Variants in PTPA observed in about 807,000 individuals in gnomAD.
PTPA encodes the protein serine/threonine-protein phosphatase 2A activator.
A neutral mutation model predicts 43.6 loss-of-function variants in PTPA; 13 were observed. The ratio of observed to expected loss-of-function variants is 0.30; its 90% confidence interval spans 0.19 to 0.47. The LOEUF (loss-of-function observed/expected upper bound fraction) is 0.47, where lower values mean the gene tolerates loss of function less well. Among genes scored for constraint, PTPA ranks in the 20% least tolerant of loss-of-function variants. The probability of loss-of-function intolerance (pLI) is 0.99; values close to 1 mark genes in which losing one functional copy is unlikely to be tolerated. For synonymous variants in PTPA, 172 were observed against 158.2 expected (o/e 1.09, Z -0.66); for missense variants, 329 against 411.9 (o/e 0.80, Z 1.74).
At chr9:129,127,886 AAATT>A (rs1320593743) in intron 3 of PTPA, 1 of 977,546 alleles carries the variant, frequency 1.0e-6, no homozygotes, top group African/African-American at 1.7e-5. Flanking sequence ...GTGAGGAATT[AAATT>A]AATTATAATG....
intron 5 of PTPA, among the ~76,000 whole-genome samples, chr9:129,133,474 C>T (rs1273304110): frequency 6.6e-6 from 1 of 152,220 alleles, no homozygotes; most frequent in East Asian, 1.9e-4. Flanking sequence ...CTTCCAGGCC[C>T]TGGAGGGGTC....
intron 5 of PTPA, among the ~76,000 whole-genome samples, chr9:129,131,960 T>G (rs145734046): frequency 1.3e-5 from 2 of 152,296 alleles, no homozygotes; most frequent in Non-Finnish European, 2.9e-5. Flanking sequence ...AATTATTAAT[T>G]GAGCACTTAC....
At chr9:129,130,613 G>A (rs1420597134) in intron 4 of PTPA, among the ~76,000 whole-genome samples, 6 of 152,004 alleles carry the variant, frequency 3.9e-5, no homozygotes, top group African/African-American at 1.5e-4. Context: ...GGCTGATCTC[G>A]AAATCCTGGC....
chr9:129,134,324 T>G (rs10988219), intron 5 of PTPA, among the ~76,000 whole-genome samples: 48,762 of 95,568 alleles, frequency 0.51, 12,893 homozygotes, highest in Non-Finnish European at 0.62. Context: ...TTTTTTTTTT[T>G]GAGACAGTCT....
rs1195677950 is a variant in PTPA at position 129,147,742 on chromosome 9, C to G, written c.*278C>G. On this transcript the variant is annotated 3_prime_UTR_variant, in exon 10 of 10. Coordinates refer to ENST00000393370, the MANE Select transcript of PTPA (RefSeq NM_178000.3). Reference sequence around the variant, plus strand: ...GGGCCTGGTCACTCGGCCACTCTCTCCTGTTTCTGGCCTCTTCTCCCTTCA... The same window carrying G: ...GGGCCTGGTCACTCGGCCACTCTCTGCTGTTTCTGGCCTCTTCTCCCTTCA... 6.8e-6 allele frequency: 3 copies of G among 443,504 alleles called. No homozygotes were observed. Among genetic ancestry groups the G allele is most frequent in the Non-Finnish European group, 1.3e-5 (3 of 239,448 alleles). The allele number at this position is 443,504 out of a possible 1,614,324, so 27.5% of individuals were successfully genotyped here. A position where few individuals can be genotyped will look rare whatever the true frequency, so the allele number is the denominator to read the frequency against.
chr9:129,147,610 A>AG lies in PTPA; in HGVS notation c.*151dup. 1.2e-6 allele frequency: 1 copy of AG among 863,390 alleles called. No homozygotes were observed. The highest frequency in any genetic ancestry group is 1.8e-6 in the Non-Finnish European group (1 of 560,476). The allele number at this position is 863,390 out of a possible 1,614,324, so 53.5% of individuals were successfully genotyped here. A position where few individuals can be genotyped will look rare whatever the true frequency, so the allele number is the denominator to read the frequency against. On this transcript the variant is annotated 3_prime_UTR_variant, in exon 10 of 10. Coordinates refer to ENST00000393370, the MANE Select transcript of PTPA (RefSeq NM_178000.3). ...GGGGTGGGGTGGCGAGATGGGCTTG[A>AG]GGGGGCTCAGAGCATAAGGCTTCAG...
chr9:129,119,316 A>G (rs1849096399), intron 1 of PTPA, among the ~76,000 whole-genome samples: 1 of 123,810 alleles, frequency 8.1e-6, no homozygotes, highest in African/African-American at 2.6e-5. Flanking sequence ...TAATTTGCCA[A>G]CCTTATCCAG....
chr9:129,142,259 C>G, intron 8 of PTPA, 186 bp from the exon 9 acceptor site: 1 of 490,624 alleles, frequency 2.0e-6, no homozygotes. Context: ...TTGCATGTGC[C>G]TGTTTGTATG....
chr9:129,139,137 G>C (rs1166751364), intron 8 of PTPA, among the ~76,000 whole-genome samples: 2 of 152,324 alleles, frequency 1.3e-5, no homozygotes, highest in South Asian at 2.1e-4. Context: ...CAGGCCTCTG[G>C]GTCCCTGTCG....
intron 1 of PTPA, among the ~76,000 whole-genome samples, chr9:129,116,009 C>G (rs1348857752): frequency 6.6e-6 from 1 of 151,960 alleles, no homozygotes; most frequent in Non-Finnish European, 1.5e-5. Flanking sequence ...TACAGGTGTG[C>G]GCTACCATGC....
Position 129,129,025 on chromosome 9 carries a change from G to C in PTPA, c.257G>C (p.Arg86Thr). The change falls in exon 4 of 10, where the codon AGG becomes ACG. Residue 86 changes from arginine (R) to threonine (T), a missense_variant. Arg to Thr is a moderately conservative substitution (Grantham distance 71). Transcript: ENST00000393370. ...KLVALLNTLD[R>T]WIDETPPVDQ... ...GTCGCTCTTCTCAACACGCTGGACAGGTGGATTGATGAGACTCCTCCAGTG... is the reference window on the plus strand; with the variant it reads ...GTCGCTCTTCTCAACACGCTGGACACGTGGATTGATGAGACTCCTCCAGTG... 1 of 1,613,110 alleles carries C rather than the reference G, an allele frequency of 6.2e-7. No individual in the cohort carries two copies. Among genetic ancestry groups the C allele is most frequent in the South Asian group, 1.1e-5 (1 of 91,026 alleles).
At position 129,142,985 on chromosome 9, in the gene PTPA, T is replaced by C. The variant is rs975113699; in HGVS notation, c.894+433T>C. 9.9e-6 allele frequency: 13 copies of C among 1,316,058 alleles called. No homozygotes were observed. In the Admixed American group the frequency reaches 2.0e-4, roughly 20 times the overall value. The allele number at this position is 1,316,058 out of a possible 1,614,324, so 81.5% of individuals were successfully genotyped here. A position where few individuals can be genotyped will look rare whatever the true frequency, so the allele number is the denominator to read the frequency against. Reference sequence around the variant, plus strand: ...TGCTGCCTTCAAATGTTAGTGTGTATGATCACTGAGTGGTGGGAGGTCTGA... The same window carrying C: ...TGCTGCCTTCAAATGTTAGTGTGTACGATCACTGAGTGGTGGGAGGTCTGA... On this transcript the variant is annotated intron_variant, in intron 9 of 9. Coordinates refer to ENST00000393370, the MANE Select transcript of PTPA (RefSeq NM_178000.3).
At chr9:129,131,742 A>C (rs1001647293) in intron 5 of PTPA, 103 bp downstream of exon 5, 7 of 1,186,194 alleles carry the variant, frequency 5.9e-6, no homozygotes, top group Admixed American at 3.8e-5. Flanking sequence ...AGCAATCAAG[A>C]ATTCGCCAAG....
chr9:129,113,633 G>T (rs1021573672), intron 1 of PTPA, among the ~76,000 whole-genome samples: 4 of 148,916 alleles, frequency 2.7e-5, no homozygotes, highest in Non-Finnish European at 5.9e-5. Context: ...AGCTGGGTGT[G>T]GTGGCACACG....
chr9:129,147,105 C>T (rs1049629952), intron 9 of PTPA, among the ~76,000 whole-genome samples: 10 of 152,182 alleles, frequency 6.6e-5, no homozygotes, highest in South Asian at 2.1e-4. Context: ...TCCCAACTTC[C>T]CTCTCTGGGC....
At chr9:129,122,870 C>G (rs543300569) in intron 2 of PTPA, among the ~76,000 whole-genome samples, 182 bp from the exon 3 acceptor site, 1 of 152,214 alleles carries the variant, frequency 6.6e-6, no homozygotes, top group East Asian at 1.9e-4. Context: ...GCCAGCTTTT[C>G]TGGAGGGTAG....
chr9:129,120,563 A>C lies in PTPA; in HGVS notation c.82A>C (p.Lys28Gln). Residue 28 changes from lysine (K) to glutamine (Q), a missense_variant, in exon 2 of 10, where the codon AAG (lysine) becomes CAG (glutamine). Physicochemically the swap from Lys to Gln is moderately conservative, Grantham distance 53. Transcript: ENST00000393370. The stretch of plus-strand genomic sequence containing the variant: ...CACTCAGAACTTCATCATTCCAAAA[A>C]AGGAGATCCACACAGTTCCAGACAT... ...PATQNFIIPK[K>Q]EIHTVPDMGK... is the part of the protein sequence containing the mutation. The C allele has an allele frequency of 1.2e-6, 2 of 1,613,898 alleles. No individual in the cohort carries two copies. The highest frequency in any genetic ancestry group is 1.7e-6 in the Non-Finnish European group (2 of 1,179,844).
intron 9 of PTPA, among the ~76,000 whole-genome samples, chr9:129,145,390 C>T (rs1851230731): frequency 6.6e-6 from 1 of 152,036 alleles, no homozygotes; most frequent in South Asian, 2.1e-4. Context: ...TGACAACTTA[C>T]TAGCAACTAG....
intron 2 of PTPA, 47 bp downstream of exon 2, chr9:129,120,657 T>G: frequency 2.0e-6 from 3 of 1,532,458 alleles, no homozygotes; most frequent in African/African-American, 1.4e-5. Context: ...TCAAAGACAG[T>G]GGTTTTCCTA....
Sources: allele counts gnomAD v4.1 joint callset (sites outside exome capture counted in the v4.1 genomes callset), GRCh38; gene constraint gnomAD v4.1.1; transcripts MANE v1.5; gene names NCBI Gene and HGNC (gene_info 2026-07-23, HGNC 2026-07-21).